SOX6: variants seen among roughly 807,000 people sequenced by gnomAD.
SOX6 encodes the protein SRY-box transcription factor 6.
Under a neutral mutation model 97.8 loss-of-function variants are expected in SOX6, and 11 were observed. The observed-to-expected ratio is 0.11, with a 90% CI of 0.07 to 0.19. The LOEUF (loss-of-function observed/expected upper bound fraction) is 0.19. Among genes scored for constraint, SOX6 ranks in the 10% least tolerant of loss-of-function variants. The probability of loss-of-function intolerance (pLI) is 1.00; values close to 1 mark genes in which losing one functional copy is unlikely to be tolerated. For missense variants in SOX6, 810 were observed against 1,039.5 expected, an observed-to-expected ratio of 0.78 and a Z score of 3.04; for synonymous variants, 360 against 371.4, an observed-to-expected ratio of 0.97 and a Z score of 0.35.
At chr11:16,679,208 C>T (rs561193579) in intron 3 of SOX6, among the ~76,000 whole-genome samples, 134 of 152,164 alleles carry the variant, frequency 8.8e-4, no homozygotes, top group Non-Finnish European at 1.7e-3. Flanking sequence ...TCTCCCAGTA[C>T]GGGCCAACAG....
intron 9 of SOX6, among the ~76,000 whole-genome samples, chr11:16,057,878 C>T (rs1370940666): frequency 6.6e-6 from 1 of 152,080 alleles, no homozygotes; most frequent in Non-Finnish European, 1.5e-5. Flanking sequence ...CTGATACATA[C>T]ATTCCTTTGT....
intron 1 of SOX6, among the ~76,000 whole-genome samples, chr11:16,395,485 T>G (rs1231104171): frequency 6.6e-6 from 1 of 151,562 alleles, no homozygotes; most frequent in Non-Finnish European, 1.5e-5. Context: ...TATCTTGGTG[T>G]AAAAAAGAAT....
In SOX6 at chr11:16,022,837, G is replaced by C. The variant is rs112883510; in HGVS notation, c.1624-7787C>G. ...TAAGCACTCAAGTCTTCCTTCACCT[G>C]TATGATAAGAACCAAACTTCTCTGT... On this transcript the variant is annotated intron_variant, in intron 12 of 15. Transcript: ENST00000683767. 1.6e-4 allele frequency among the ~76,000 whole-genome samples: 25 copies of C among 152,230 alleles called. 2 individuals are homozygous for C. The highest frequency in any genetic ancestry group is 6.0e-4 in the African/African-American group (25 of 41,558).
intron 13 of SOX6, among the ~76,000 whole-genome samples, chr11:16,014,280 G>A (rs149301520): frequency 2.7e-4 from 41 of 152,146 alleles, no homozygotes; most frequent in African/African-American, 7.0e-4. Context: ...ATATTGGTGC[G>A]GGTAAACATT....
intron 2 of SOX6, among the ~76,000 whole-genome samples, chr11:16,716,414 G>C (rs76229097): frequency 1.3e-5 from 2 of 152,086 alleles, no homozygotes; most frequent in East Asian, 1.9e-4. Flanking sequence ...AGTAAGGCTG[G>C]TCAGTATCCA....
rs554433861 is a variant in SOX6, at chr11:16,155,159, A to C, written c.777+28727T>G. ...ATGAGTCTACAGGTTTTTCAATCAAAACCTCTGCTCTGAAAGATACATCAC... is the reference window on the plus strand; with the variant it reads ...ATGAGTCTACAGGTTTTTCAATCAACACCTCTGCTCTGAAAGATACATCAC... On this transcript the variant is annotated intron_variant, in intron 6 of 15. Coordinates refer to ENST00000683767, the MANE Select transcript of SOX6 (RefSeq NM_001367873.1). Among the ~76,000 whole-genome samples, 4 of 152,274 alleles carry C rather than the reference A, an allele frequency of 2.6e-5. No homozygotes were observed. The East Asian group carries it at 7.7e-4, about 29-fold the overall frequency.
At chr11:16,206,367 T>C (rs946051093) in intron 4 of SOX6, among the ~76,000 whole-genome samples, 2 of 152,162 alleles carry the variant, frequency 1.3e-5, no homozygotes, top group African/African-American at 4.8e-5. Flanking sequence ...TATGAGGAAA[T>C]ATAACTTTTA....
At chr11:16,414,555 C>T (rs1413145168) in intron 1 of SOX6, among the ~76,000 whole-genome samples, 1 of 151,452 alleles carries the variant, frequency 6.6e-6, no homozygotes, top group Non-Finnish European at 1.5e-5. Context: ...ACTTAATACC[C>T]CTGCAAGTTT....
intron 1 of SOX6, among the ~76,000 whole-genome samples, chr11:16,414,137 C>T (rs1590194163): frequency 6.6e-6 from 1 of 152,174 alleles, no homozygotes; most frequent in South Asian, 2.1e-4. Flanking sequence ...AGTCCCCACT[C>T]CTCCAAAATC....
chr11:16,603,669 G>A (rs1010272592), intron 4 of SOX6, among the ~76,000 whole-genome samples: 1 of 152,252 alleles, frequency 6.6e-6, no homozygotes, highest in South Asian at 2.1e-4. Flanking sequence ...CCTCCCCCAC[G>A]AGTAGGATGT....
intron 3 of SOX6, among the ~76,000 whole-genome samples, chr11:16,697,719 C>T (rs890998864): frequency 1.3e-5 from 2 of 152,206 alleles, no homozygotes; most frequent in Non-Finnish European, 2.9e-5. Context: ...GACTTGGAAG[C>T]TGAAATTACT....
chr11:16,103,176 A>T (rs932891829), intron 7 of SOX6, among the ~76,000 whole-genome samples: 2 of 151,568 alleles, frequency 1.3e-5, no homozygotes, highest in Admixed American at 6.6e-5. Context: ...AAATCGCAAG[A>T]AAAAAAACAA....
intron 3 of SOX6, among the ~76,000 whole-genome samples, chr11:16,675,543 A>G (rs1847878195): frequency 6.6e-6 from 1 of 152,258 alleles, no homozygotes; most frequent in Non-Finnish European, 1.5e-5. Flanking sequence ...TTCTTTGATG[A>G]GTGATTTTTT....
intron 3 of SOX6, among the ~76,000 whole-genome samples, chr11:16,665,757 T>C (rs944221407): frequency 2.0e-5 from 3 of 152,182 alleles, no homozygotes; most frequent in Non-Finnish European, 4.4e-5. Context: ...GTGCTAGCTT[T>C]AGGTTTGACC....
chr11:16,728,286 G>C (rs1272427468), intron 2 of SOX6, among the ~76,000 whole-genome samples: 1 of 152,214 alleles, frequency 6.6e-6, no homozygotes, highest in African/African-American at 2.4e-5. Flanking sequence ...TTGACTGGGA[G>C]ACAGCTCCCA....
At chr11:16,450,303 G>T (rs1859694440) in intron 1 of SOX6, among the ~76,000 whole-genome samples, 1 of 152,186 alleles carries the variant, frequency 6.6e-6, no homozygotes. Flanking sequence ...TATGAAGTCT[G>T]AGATTTTCAA....
chr11:16,127,034 A>G (rs955676647), intron 6 of SOX6, among the ~76,000 whole-genome samples: 1 of 152,142 alleles, frequency 6.6e-6, no homozygotes, highest in East Asian at 1.9e-4. Context: ...ATAAATTCTG[A>G]TGACAATCCA....
intron 4 of SOX6, among the ~76,000 whole-genome samples, chr11:16,545,520 G>C (rs1391658688): frequency 6.6e-6 from 1 of 152,182 alleles, no homozygotes; most frequent in East Asian, 1.9e-4. Flanking sequence ...ATGGGGGAAA[G>C]CTGAAAGCCT....
chr11:16,137,468 G>A (rs1849999732), intron 6 of SOX6, among the ~76,000 whole-genome samples: 1 of 152,026 alleles, frequency 6.6e-6, no homozygotes, highest in Admixed American at 6.6e-5. Flanking sequence ...ATAGCATGTG[G>A]GTTGTAAGAG....
Sources: allele counts gnomAD v4.1 joint callset (sites outside exome capture counted in the v4.1 genomes callset), GRCh38; gene constraint gnomAD v4.1.1; transcripts MANE v1.5; gene names NCBI Gene and HGNC (gene_info 2026-07-23, HGNC 2026-07-21).